The following FANCB variants were observed in gnomAD, a reference collection of about 807,000 sequenced individuals.
FANCB encodes Fanconi anemia group B protein.
FANCB carries 5 observed loss-of-function variants against 38.9 expected under a neutral mutation model. The observed-to-expected ratio is 0.13, with a 90% CI of 0.07 to 0.27. The LOEUF (loss-of-function observed/expected upper bound fraction) is 0.27. Among genes scored for constraint, FANCB ranks in the 10% least tolerant of loss-of-function variants. The pLI, the probability that FANCB is intolerant of heterozygous loss-of-function variation, is 1.00. For synonymous variants in FANCB, 236 were observed against 215.4 expected, an observed-to-expected ratio of 1.10 and a Z score of -0.84; for missense variants, 573 against 602.7, an observed-to-expected ratio of 0.95 and a Z score of 0.52.
the FANCB span, among the ~76,000 whole-genome samples, chrX:14,697,394 A>G: frequency 8.9e-6 from 1 of 112,249 alleles, no homozygotes; most frequent in African/African-American, 3.2e-5. Context: ...GGATTCTGTC[A>G]TAGGGTGATC....
chrX:14,752,865 T>G, the FANCB span, among the ~76,000 whole-genome samples: 1 of 110,443 alleles, frequency 9.1e-6, no homozygotes, highest in Non-Finnish European at 1.9e-5. Flanking sequence ...ATAACTCCCA[T>G]AAAACTTTAC....
At chrX:14,710,149 G>A in the FANCB span, among the ~76,000 whole-genome samples, 1 of 111,535 alleles carries the variant, frequency 9.0e-6, no homozygotes, top group African/African-American at 3.3e-5. Flanking sequence ...GGAAGACATC[G>A]AGGGCCAGAC....
At chrX:14,781,091 G>C in the FANCB span, among the ~76,000 whole-genome samples, 3 of 110,113 alleles carry the variant, frequency 2.7e-5, no homozygotes, top group Non-Finnish European at 5.6e-5. Flanking sequence ...GGTTACTGCA[G>C]GCAGTTGGGC....
chrX:14,735,543 G>T, the FANCB span, among the ~76,000 whole-genome samples: 3 of 112,107 alleles, frequency 2.7e-5, no homozygotes, highest in African/African-American at 9.7e-5. Flanking sequence ...GACCCTGTTT[G>T]CCTGGGTATC....
chrX:14,775,147 C>T, the FANCB span, among the ~76,000 whole-genome samples: 2 of 54,895 alleles, frequency 3.6e-5, no homozygotes, highest in Admixed American at 3.8e-4. Context: ...TCTGTTATTT[C>T]TATTTCTCTA....
intron 7 of FANCB, 24 bp downstream of exon 7, chrX:14,850,481 G>C: frequency 1.7e-6 from 2 of 1,149,217 alleles, no homozygotes; most frequent in Non-Finnish European, 2.4e-6. Flanking sequence ...TCAAGACAGT[G>C]TTATCATGTT....
the FANCB span, among the ~76,000 whole-genome samples, chrX:14,824,685 A>AT: frequency 2.7e-5 from 3 of 111,935 alleles, no homozygotes; most frequent in Non-Finnish European, 3.8e-5. Flanking sequence ...AATACCTATT[A>AT]TTTTTTCATT....
chrX:14,749,197 G>T, the FANCB span, among the ~76,000 whole-genome samples: 1 of 111,949 alleles, frequency 8.9e-6, no homozygotes, highest in Non-Finnish European at 1.9e-5. Context: ...AATTTTGGTA[G>T]ACAAACAAAC....
chrX:14,784,379 A>G, the FANCB span, among the ~76,000 whole-genome samples: 2 of 111,291 alleles, frequency 1.8e-5, no homozygotes, highest in Non-Finnish European at 3.8e-5. Flanking sequence ...TCCAGCTTCC[A>G]GAGGCCACCT....
At chrX:14,716,330 C>T in the FANCB span, among the ~76,000 whole-genome samples, 1 of 111,548 alleles carries the variant, frequency 9.0e-6, no homozygotes, top group South Asian at 3.8e-4. Flanking sequence ...CCCAACCTCA[C>T]ACATCTAGGT....
intron 2 of FANCB, among the ~76,000 whole-genome samples, chrX:14,866,966 A>G (rs1264622283): frequency 8.9e-6 from 1 of 112,111 alleles, no homozygotes; most frequent in Non-Finnish European, 1.9e-5. Context: ...AGAAATCAAG[A>G]AAACAATTCC....
chrX:14,727,421 CT>C, the FANCB span, among the ~76,000 whole-genome samples: 2 of 111,984 alleles, frequency 1.8e-5, no homozygotes, highest in East Asian at 5.6e-4. Context: ...GCGGATCTCT[CT>C]TTACTAAACC....
the FANCB span, among the ~76,000 whole-genome samples, chrX:14,812,021 C>T: frequency 8.1e-5 from 9 of 111,194 alleles, no homozygotes; most frequent in African/African-American, 2.6e-4. Context: ...CATTCCAAAC[C>T]GCTCAACTAC....
chrX:14,694,583 C>T, the FANCB span, among the ~76,000 whole-genome samples: 5 of 109,955 alleles, frequency 4.5e-5, no homozygotes, highest in Admixed American at 4.8e-4. Flanking sequence ...AGTTAGGAGG[C>T]TATTGTAGAA....
chrX:14,694,265 A>G, the FANCB span, among the ~76,000 whole-genome samples: 3 of 111,551 alleles, frequency 2.7e-5, no homozygotes, highest in Non-Finnish European at 3.8e-5. Flanking sequence ...AGAGGGTAAA[A>G]CAAATTTCTG....
chrX:14,774,268 A>T, the FANCB span, among the ~76,000 whole-genome samples: 1 of 112,054 alleles, frequency 8.9e-6, no homozygotes, highest in Admixed American at 9.5e-5. Flanking sequence ...TAACAAAAGT[A>T]ATGAAGAATG....
At chrX:14,724,965 G>C in the FANCB span, among the ~76,000 whole-genome samples, 3 of 111,558 alleles carry the variant, frequency 2.7e-5, no homozygotes, top group Admixed American at 2.9e-4. Flanking sequence ...GAAGCCATTT[G>C]GGATTTGATA....
the FANCB span, among the ~76,000 whole-genome samples, chrX:14,798,964 G>A: frequency 1.8e-5 from 2 of 111,650 alleles, no homozygotes; most frequent in Admixed American, 1.9e-4. Flanking sequence ...TGGACTGACT[G>A]GACCGAATAT....
At chrX:14,740,118 G>C in the FANCB span, among the ~76,000 whole-genome samples, 1 of 111,553 alleles carries the variant, frequency 9.0e-6, no homozygotes, top group Non-Finnish European at 1.9e-5. Context: ...GACCCTTCAC[G>C]TGCAAGGATC....
Sources: allele counts gnomAD v4.1 joint callset (sites outside exome capture counted in the v4.1 genomes callset), GRCh38; gene constraint gnomAD v4.1.1; transcripts MANE v1.5; gene names NCBI Gene and HGNC (gene_info 2026-07-23, HGNC 2026-07-21).